TRANK1: variants seen among roughly 807,000 people sequenced by gnomAD.
The protein encoded by TRANK1 is TPR and ankyrin repeat-containing protein 1.
Under a neutral mutation model 266.0 loss-of-function variants are expected in TRANK1, and 198 were observed. The ratio of observed to expected loss-of-function variants is 0.74; its 90% CI spans 0.66 to 0.84. The LOEUF (loss-of-function observed/expected upper bound fraction) is 0.84, where lower values mean the gene tolerates loss of function less well. Ranked by LOEUF, TRANK1 falls within the 40% of genes least tolerant of loss-of-function variation. TRANK1 has a pLI of 0.00. For synonymous variants in TRANK1, 1,396 were observed against 1,384.1 expected (o/e 1.01, Z -0.19); for missense variants, 3,326 against 3,634.6 (o/e 0.92, Z 2.18).
At position 36,831,802 on chromosome 3, in the gene TRANK1, G is replaced by C; in HGVS notation, c.7781C>G (p.Ser2594Ter). 6.2e-7 allele frequency: 1 copy of C among 1,613,924 alleles called. No individual in the cohort carries two copies. The change falls in exon 22 of 24, where the codon TCA becomes TGA. Residue 2594 changes from serine (S) to a stop codon, truncating the protein, a stop_gained. Transcript: ENST00000645898. LOFTEE classifies it high-confidence loss of function. The surrounding 1 kb of genome is among the most constrained non-coding windows in gnomAD (Gnocchi z 5.0). ...GTCCATGCTCATGAGCTGCAGCCTT[G>C]ACTCAATCTCCCGGAAGTGGCGATA... ...LLYRHFREIE[S>*]RLQLMSMDCP...
At chr3:36,851,916 A>G (rs2078989595) in intron 14 of TRANK1, 60 bp from the exon 15 acceptor site, 2 of 1,520,958 alleles carry the variant, frequency 1.3e-6, no homozygotes, top group Non-Finnish European at 1.8e-6. Context: ...GCCTCAGTCT[A>G]TTTCTATGGG....
chr3:36,910,529 C>A lies in TRANK1; in HGVS notation c.24-2075G>T, dbSNP rs1483003450. Among the ~76,000 whole-genome samples the A allele has an allele frequency of 3.3e-5, 5 of 152,056 alleles. No homozygotes were observed. The East Asian group carries it at 9.6e-4, about 29-fold the overall frequency. On this transcript the variant is annotated intron_variant, in intron 1 of 23. Coordinates refer to ENST00000645898, the MANE Select transcript of TRANK1 (RefSeq NM_001329998.2). ...CTGAGGCGGGCAGACCACCTGAGGT[C>A]AGGAGTTCGAGTCCAGCCTGGCCAA...
chr3:36,906,457 G>T (rs529455336), intron 2 of TRANK1, among the ~76,000 whole-genome samples: 1 of 152,234 alleles, frequency 6.6e-6, no homozygotes, highest in African/African-American at 2.4e-5. Context: ...CTGAATAATG[G>T]CCCCCAAATA....
In TRANK1 at chr3:36,855,972, A is replaced by C. The variant is rs376621219; in HGVS notation, c.3750T>G (p.Leu1250=). The C allele has an allele frequency of 1.3e-4, 202 of 1,613,420 alleles. No homozygotes were observed. The highest frequency in any genetic ancestry group is 1.7e-4 in the African/African-American group (13 of 74,764). The change falls in exon 13 of 24, where the codon CTT becomes CTG. Residue 1250 remains leucine (L), a synonymous_variant. Coordinates refer to ENST00000645898, the MANE Select transcript of TRANK1 (RefSeq NM_001329998.2). ...TGGGCAGAGAAGCATCAAGCAGAAG[A>C]AGCAGCTGCTTGGAAGTGACAAACA... The part of the protein sequence containing the change: ...FPLFVTSKQL[L]LLLDASLPKP...
chr3:36,935,445 C>CTTT (rs11374436), intron 1 of TRANK1, among the ~76,000 whole-genome samples: 45 of 83,680 alleles, frequency 5.4e-4, no homozygotes, highest in African/African-American at 1.3e-3. Flanking sequence ...TGCCTGAATT[C>CTTT]TTTTTTTTTT....
At chr3:36,870,419 A>AG (rs1559442457) in intron 9 of TRANK1, among the ~76,000 whole-genome samples, 59 of 130,824 alleles carry the variant, frequency 4.5e-4, no homozygotes, top group South Asian at 9.5e-4. Flanking sequence ...AAAAAAAAAA[A>AG]AAGAGAGAGA....
At chr3:36,932,365 G>A (rs1036788102) in intron 1 of TRANK1, among the ~76,000 whole-genome samples, 6 of 152,170 alleles carry the variant, frequency 3.9e-5, no homozygotes, top group Non-Finnish European at 7.4e-5. Flanking sequence ...GAGATCAGGA[G>A]TTCGAGACCA....
At chr3:36,888,247 C>T (rs1371289799) in intron 8 of TRANK1, among the ~76,000 whole-genome samples, 2 of 152,140 alleles carry the variant, frequency 1.3e-5, no homozygotes, top group Admixed American at 1.3e-4. Context: ...CACAAAAGGC[C>T]TTATATTCTA....
chr3:36,879,565 AATATATAAAT>A (rs1211744834), intron 8 of TRANK1, among the ~76,000 whole-genome samples: 205 of 112,698 alleles, frequency 1.8e-3, no homozygotes, highest in Admixed American at 3.4e-3. Flanking sequence ...TAAATATATA[AATATATAAAT>A]ATATATAAAT....
intron 9 of TRANK1, among the ~76,000 whole-genome samples, chr3:36,868,273 C>T (rs1345576360): frequency 6.6e-6 from 1 of 152,118 alleles, no homozygotes; most frequent in East Asian, 1.9e-4. Context: ...AGGAACTTAA[C>T]TCTTGTTTGT....
chr3:36,941,924 C>T (rs930600907), intron 1 of TRANK1, among the ~76,000 whole-genome samples: 1 of 152,234 alleles, frequency 6.6e-6, no homozygotes, highest in African/African-American at 2.4e-5. Context: ...ACCTCCCCAT[C>T]TGGAAATGCA....
chr3:36,915,924 G>C (rs545000514), intron 1 of TRANK1, among the ~76,000 whole-genome samples: 10 of 152,332 alleles, frequency 6.6e-5, no homozygotes, highest in Admixed American at 5.9e-4. Flanking sequence ...TGTCAGGTGA[G>C]TAGGATGCAA....
chr3:36,853,431 T>C (rs1017784620), intron 13 of TRANK1, among the ~76,000 whole-genome samples: 2 of 152,232 alleles, frequency 1.3e-5, no homozygotes, highest in African/African-American at 4.8e-5. Context: ...GACTATCCAA[T>C]ACTGTTGTTA....
At chr3:36,862,018 A>ATTTTAACAGAT (rs1400781032) in intron 10 of TRANK1, among the ~76,000 whole-genome samples, 4 of 152,194 alleles carry the variant, frequency 2.6e-5, no homozygotes, top group Non-Finnish European at 5.9e-5. Flanking sequence ...AGTAGAAAAC[A>ATTTTAACAGAT]TTTTAACAGA....
chr3:36,913,030 TTGTGTG>T lies in TRANK1; in HGVS notation c.24-4582_24-4577del, dbSNP rs10633466. 1.0e-4 allele frequency among the ~76,000 whole-genome samples: 15 copies of T among 144,170 alleles called. No homozygotes were observed. The East Asian group carries it at 1.9e-3, about 18-fold the overall frequency. The allele number at this position is 144,170 out of a possible 152,430, so 94.6% of individuals were successfully genotyped here. ...TGAAGCTAGAAAGAGTATGTCTCTT[TTGTGTG>T]TGTGTGTGTGTGTGTGTGTGTGTGT... On this transcript the variant is annotated intron_variant, in intron 1 of 23. Transcript: ENST00000645898.
intron 1 of TRANK1, among the ~76,000 whole-genome samples, chr3:36,939,458 T>G (rs1443453186): frequency 6.6e-6 from 1 of 152,188 alleles, no homozygotes; most frequent in Non-Finnish European, 1.5e-5. Context: ...AGGATATGAG[T>G]GTTTTCCTCA....
intron 8 of TRANK1, among the ~76,000 whole-genome samples, chr3:36,882,655 A>G (rs1306270307): frequency 6.6e-6 from 1 of 152,212 alleles, no homozygotes; most frequent in Non-Finnish European, 1.5e-5. Flanking sequence ...CTGACTACAT[A>G]AAAAGAAAAC....
chr3:36,893,812 C>A (rs2079746576), intron 5 of TRANK1, among the ~76,000 whole-genome samples: 1 of 152,146 alleles, frequency 6.6e-6, no homozygotes, highest in Non-Finnish European at 1.5e-5. Context: ...TGGCTTTTGC[C>A]AGTGGACTTA....
intron 1 of TRANK1, among the ~76,000 whole-genome samples, chr3:36,938,305 G>C (rs561412095): frequency 1.3e-5 from 2 of 152,124 alleles, no homozygotes; most frequent in Non-Finnish European, 2.9e-5. Flanking sequence ...TGCAACCTCC[G>C]CCTCCTGGGT....
Sources: allele counts gnomAD v4.1 joint callset (sites outside exome capture counted in the v4.1 genomes callset), GRCh38; gene constraint gnomAD v4.1.1; non-coding constraint Gnocchi (gnomAD v3.1); transcripts MANE v1.5; gene names NCBI Gene and HGNC (gene_info 2026-07-23, HGNC 2026-07-21).